Variants in NR3C1 observed in about 807,000 individuals in gnomAD.
The protein encoded by NR3C1 is nuclear receptor subfamily 3 group C member 1, also known as glucocorticoid receptor.
In NR3C1, 14 loss-of-function variants were observed where a neutral mutation model predicts 74.0. That is an observed-to-expected ratio of 0.19 (90% confidence interval 0.12 to 0.30). The LOEUF is 0.30. Ranked by LOEUF, NR3C1 falls within the 10% of genes least tolerant of loss-of-function variation. The pLI, the probability that NR3C1 is intolerant of heterozygous loss-of-function variation, is 1.00. For synonymous variants in NR3C1, 308 were observed against 332.5 expected, an observed-to-expected ratio of 0.93 and a Z score of 0.80; for missense variants, 695 against 909.8, an observed-to-expected ratio of 0.76 and a Z score of 3.04.
intron 7 of NR3C1, among the ~76,000 whole-genome samples, chr5:143,285,891 C>CA (rs1814304076): frequency 6.8e-6 from 1 of 146,428 alleles, no homozygotes; most frequent in African/African-American, 2.5e-5. Flanking sequence ...TAAGAACATG[C>CA]ATAAACAACA....
At chr5:143,340,476 AT>A (rs3074500) in intron 2 of NR3C1, among the ~76,000 whole-genome samples, 11,340 of 88,720 alleles carry the variant, frequency 0.13, 206 homozygotes, top group African/African-American at 0.15. Context: ...TTTAAAGATG[AT>A]TTTTTTTTTT....
At chr5:143,430,959 G>A (rs915056529) in intron 1 of NR3C1, among the ~76,000 whole-genome samples, 1 of 152,174 alleles carries the variant, frequency 6.6e-6, no homozygotes, top group Non-Finnish European at 1.5e-5. Flanking sequence ...ATTCTGCTTA[G>A]GAACTTCCAG....
upstream of NR3C1, chr5:143,404,558 C>G (rs1337996996): frequency 1.0e-6 from 1 of 965,268 alleles, no homozygotes; most frequent in East Asian, 1.3e-4. Flanking sequence ...GCGGCGGCGG[C>G]GGCAGAAGGA....
intron 1 of NR3C1, among the ~76,000 whole-genome samples, chr5:143,430,521 TG>T (rs1375697435): frequency 6.6e-6 from 1 of 152,184 alleles, no homozygotes; most frequent in African/African-American, 2.4e-5. Context: ...ACCCCCAATA[TG>T]ATGGTATTAG....
chr5:143,377,169 G>A (rs1216515463), intron 2 of NR3C1, among the ~76,000 whole-genome samples: 2 of 152,134 alleles, frequency 1.3e-5, no homozygotes, highest in Non-Finnish European at 2.9e-5. Context: ...CCCTAATGAA[G>A]CATAAATTCA....
chr5:143,349,516 C>T (rs1600174721), intron 2 of NR3C1, among the ~76,000 whole-genome samples: 1 of 152,172 alleles, frequency 6.6e-6, no homozygotes, highest in Non-Finnish European at 1.5e-5. Context: ...AGATAGTGGA[C>T]TCTATCCACA....
chr5:143,288,118 ATTT>A (rs869233990), intron 7 of NR3C1, among the ~76,000 whole-genome samples: 4 of 141,314 alleles, frequency 2.8e-5, no homozygotes, highest in Middle Eastern at 3.6e-3. Context: ...AACAACTGGA[ATTT>A]TTTTTTTTTT....
chr5:143,397,313 G>A (rs1839406666), intron 2 of NR3C1, among the ~76,000 whole-genome samples: 1 of 151,840 alleles, frequency 6.6e-6, no homozygotes, highest in Non-Finnish European at 1.5e-5. Context: ...CAGAAGGTCA[G>A]TATTCAAGTT....
intron 2 of NR3C1, among the ~76,000 whole-genome samples, chr5:143,337,679 CATGA>C (rs1269554883): frequency 6.6e-6 from 1 of 152,072 alleles, no homozygotes; most frequent in African/African-American, 2.4e-5. Context: ...TACACTACAA[CATGA>C]ATGAATCCTA....
intron 2 of NR3C1, among the ~76,000 whole-genome samples, chr5:143,331,300 G>A (rs1435149533): frequency 2.6e-5 from 4 of 152,204 alleles, no homozygotes; most frequent in Non-Finnish European, 4.4e-5. Context: ...TGGTGAGGTT[G>A]CAGAGAAAGG....
intron 3 of NR3C1, among the ~76,000 whole-genome samples, chr5:143,312,659 T>C (rs578107776): frequency 6.6e-6 from 1 of 152,334 alleles, no homozygotes; most frequent in South Asian, 2.1e-4. Flanking sequence ...GGCAACCCCA[T>C]TGTAAGTCGA....
Position 143,347,324 on chromosome 5 carries a change from T to A in NR3C1, c.1185-33156A>T, listed in dbSNP as rs1829471488. On this transcript the variant is annotated intron_variant, in intron 2 of 8. Transcript: ENST00000394464. ...GAAATTGGCATTTCCTCCTTCTATGTGAAACACACACAGACACACACACAC... is the reference window on the plus strand; with the variant it reads ...GAAATTGGCATTTCCTCCTTCTATGAGAAACACACACAGACACACACACAC... Among the ~76,000 whole-genome samples the A allele has an allele frequency of 2.0e-5, 3 of 151,720 alleles. No individual in the cohort carries two copies. The South Asian group carries it at 6.2e-4, about 31-fold the overall frequency.
intron 2 of NR3C1, among the ~76,000 whole-genome samples, chr5:143,327,531 G>A (rs1349834833): frequency 1.3e-5 from 2 of 152,154 alleles, no homozygotes; most frequent in East Asian, 1.9e-4. Context: ...CAAGACCAAA[G>A]TCTCATCTGA....
At position 143,334,725 on chromosome 5, in the gene NR3C1, GA is replaced by G. The variant is rs141410226; in HGVS notation, c.1185-20558del. ...ATAAATGTTCACTTGTCTCTGCTGT[GA>G]AAAAAAAAAAAAAGAATTAAGAGTA... On this transcript the variant is annotated intron_variant, in intron 2 of 8. Coordinates refer to ENST00000394464, the MANE Select transcript of NR3C1 (RefSeq NM_000176.3). 5.0e-3 allele frequency among the ~76,000 whole-genome samples: 666 copies of G among 133,770 alleles called. 3 individuals are homozygous for G. The highest frequency in any genetic ancestry group is 8.9e-3 in the African/African-American group (315 of 35,322). 87.8% of individuals were successfully genotyped at this position (133,770 alleles called of 152,430 possible).
At chr5:143,385,145 G>A (rs940133761) in intron 2 of NR3C1, among the ~76,000 whole-genome samples, 1 of 152,208 alleles carries the variant, frequency 6.6e-6, no homozygotes, top group Non-Finnish European at 1.5e-5. Context: ...AGCCACAGCT[G>A]GAGCTAGAGC....
chr5:143,342,707 G>A (rs184761803), intron 2 of NR3C1, among the ~76,000 whole-genome samples: 9 of 152,288 alleles, frequency 5.9e-5, no homozygotes, highest in African/African-American at 1.9e-4. Flanking sequence ...CAGGAAATGT[G>A]CTTTGTAATT....
At chr5:143,368,327 G>A (rs1237984685) in intron 2 of NR3C1, among the ~76,000 whole-genome samples, 1 of 151,918 alleles carries the variant, frequency 6.6e-6, no homozygotes, top group East Asian at 1.9e-4. Context: ...CTTAGATCAG[G>A]CAACTTTTTA....
chr5:143,315,089 A>T (rs1821789228), intron 2 of NR3C1, among the ~76,000 whole-genome samples: 1 of 152,180 alleles, frequency 6.6e-6, no homozygotes, highest in Non-Finnish European at 1.5e-5. Flanking sequence ...ATTGGAAAGA[A>T]TTGTACAATG....
chr5:143,420,475 G>A (rs555053031), intron 1 of NR3C1, among the ~76,000 whole-genome samples: 3 of 152,156 alleles, frequency 2.0e-5, no homozygotes, highest in Non-Finnish European at 4.4e-5. Context: ...TGGTCCCTCC[G>A]TTTGGGGTCC....
Sources: allele counts gnomAD v4.1 joint callset (sites outside exome capture counted in the v4.1 genomes callset), GRCh38; gene constraint gnomAD v4.1.1; transcripts MANE v1.5; gene names NCBI Gene and HGNC (gene_info 2026-07-23, HGNC 2026-07-21).